The following SENP6 variants were observed in gnomAD, a reference collection of about 807,000 sequenced individuals.
The protein encoded by SENP6 is SUMO specific peptidase 6, also known as sentrin-specific protease 6.
A neutral mutation model predicts 134.5 loss-of-function variants in SENP6; 41 were observed. That is an observed-to-expected ratio of 0.30 (90% CI 0.24 to 0.40). The LOEUF is 0.40. Among genes scored for constraint, SENP6 ranks in the 10% least tolerant of loss-of-function variants. The pLI is 1.00. For synonymous variants in SENP6, 395 were observed against 429.8 expected (o/e 0.92, Z 1.00); for missense variants, 1,248 against 1,312.5 (o/e 0.95, Z 0.76).
chr6:75,669,334 C>T (rs184326541), intron 10 of SENP6, among the ~76,000 whole-genome samples: 263 of 151,972 alleles, frequency 1.7e-3, no homozygotes, highest in Non-Finnish European at 3.0e-3. Context: ...CCAGCCTGTG[C>T]GACAGAGCGA....
At chr6:75,647,567 GTT>G (rs1770552013) in intron 6 of SENP6, 162 bp from the exon 7 acceptor site, 2 of 380,920 alleles carry the variant, frequency 5.3e-6, no homozygotes, top group Admixed American at 8.8e-5. Flanking sequence ...TACAAATTGA[GTT>G]TCATTTATTG....
chr6:75,652,704 G>C (rs28564527), intron 7 of SENP6, among the ~76,000 whole-genome samples: 1 of 80,242 alleles, frequency 1.2e-5, no homozygotes, highest in Non-Finnish European at 2.7e-5. Context: ...AAAAAAAAAA[G>C]AAAAAGAAAA....
At chr6:75,620,156 G>T (rs1419625991) in intron 1 of SENP6, among the ~76,000 whole-genome samples, 1 of 151,394 alleles carries the variant, frequency 6.6e-6, no homozygotes, top group Admixed American at 6.6e-5. Context: ...TTATGGTTTT[G>T]ATTTGCATTT....
intron 11 of SENP6, 67 bp from the exon 12 acceptor site, chr6:75,675,368 G>A: frequency 1.1e-6 from 1 of 885,590 alleles, no homozygotes. Flanking sequence ...CTAAGTATTT[G>A]AATAAAAAAG....
intron 9 of SENP6, among the ~76,000 whole-genome samples, chr6:75,665,393 A>G (rs1263004215): frequency 6.6e-6 from 1 of 152,266 alleles, no homozygotes; most frequent in African/African-American, 2.4e-5. Flanking sequence ...TTTCAGGGAC[A>G]GAAATACTGG....
At chr6:75,630,509 C>T (rs1769031234) in intron 3 of SENP6, among the ~76,000 whole-genome samples, 1 of 152,168 alleles carries the variant, frequency 6.6e-6, no homozygotes, top group Non-Finnish European at 1.5e-5. Flanking sequence ...ATAAATTTTG[C>T]ATATCTCACA....
At chr6:75,662,939 C>T (rs1000314605) in intron 8 of SENP6, among the ~76,000 whole-genome samples, 1 of 152,094 alleles carries the variant, frequency 6.6e-6, no homozygotes, top group Non-Finnish European at 1.5e-5. Context: ...GACTGCTAGA[C>T]TAGATAGTCT....
chr6:75,643,259 A>G (rs1238499785), intron 6 of SENP6, among the ~76,000 whole-genome samples: 1 of 152,236 alleles, frequency 6.6e-6, no homozygotes, highest in Non-Finnish European at 1.5e-5. Flanking sequence ...TGTAGTCAGT[A>G]TATTTAACAA....
intron 21 of SENP6, among the ~76,000 whole-genome samples, chr6:75,712,803 T>C (rs1304524275): frequency 6.6e-6 from 1 of 152,146 alleles, no homozygotes; most frequent in Non-Finnish European, 1.5e-5. Context: ...CAATAAGTTT[T>C]AGTTAAAAAT....
At chr6:75,631,756 C>T (rs902399062) in intron 3 of SENP6, among the ~76,000 whole-genome samples, 18 of 152,198 alleles carry the variant, frequency 1.2e-4, no homozygotes, top group African/African-American at 3.6e-4. Flanking sequence ...AGAAAGCCTA[C>T]AATACTTACT....
At chr6:75,672,872 G>A (rs1047860939) in intron 11 of SENP6, among the ~76,000 whole-genome samples, 2 of 152,064 alleles carry the variant, frequency 1.3e-5, no homozygotes, top group Non-Finnish European at 2.9e-5. Context: ...CTGTTGCCCA[G>A]GCTGGAGTGC....
intron 16 of SENP6, among the ~76,000 whole-genome samples, chr6:75,685,950 T>G (rs1039645971): frequency 6.6e-6 from 1 of 152,104 alleles, no homozygotes; most frequent in African/African-American, 2.4e-5. Flanking sequence ...TGGGTATCCT[T>G]CTTCACTTTC....
At chr6:75,635,600 A>G (rs575783727) in intron 5 of SENP6, among the ~76,000 whole-genome samples, 4 of 152,126 alleles carry the variant, frequency 2.6e-5, no homozygotes, top group Non-Finnish European at 5.9e-5. Context: ...GTAACCTCAT[A>G]CTTTATGATA....
chr6:75,689,796 GC>G (rs1774109834), intron 16 of SENP6, among the ~76,000 whole-genome samples: 1 of 150,676 alleles, frequency 6.6e-6, no homozygotes, highest in East Asian at 1.9e-4. Flanking sequence ...AGGACACTAT[GC>G]CACCTCGGAT....
intron 10 of SENP6, among the ~76,000 whole-genome samples, chr6:75,668,157 T>C (rs1461183913): frequency 1.3e-5 from 2 of 152,218 alleles, no homozygotes; most frequent in African/African-American, 4.8e-5. Flanking sequence ...ACTTACTTAT[T>C]TAAAGGGGGG....
intron 7 of SENP6, among the ~76,000 whole-genome samples, chr6:75,655,832 A>G (rs143078316): frequency 2.4e-4 from 36 of 152,294 alleles, no homozygotes; most frequent in African/African-American, 7.9e-4. Flanking sequence ...TTCTATTTAT[A>G]TCGAACCTGT....
At chr6:75,686,722 GC>G (rs1323559424) in intron 16 of SENP6, among the ~76,000 whole-genome samples, 2 of 152,040 alleles carry the variant, frequency 1.3e-5, no homozygotes, top group East Asian at 3.9e-4. Flanking sequence ...TTGAATATTG[GC>G]CCCCACTCTC....
chr6:75,667,424 A>C (rs1033971873), intron 10 of SENP6, among the ~76,000 whole-genome samples: 4 of 152,198 alleles, frequency 2.6e-5, no homozygotes, highest in African/African-American at 7.2e-5. Flanking sequence ...GAGAACTCTT[A>C]AAAATTACAG....
At chr6:75,604,610 GC>G (rs1252442971) in intron 1 of SENP6, among the ~76,000 whole-genome samples, 1 of 149,502 alleles carries the variant, frequency 6.7e-6, no homozygotes, top group African/African-American at 2.4e-5. Flanking sequence ...GGGCAACTGA[GC>G]GAGATTCTGT....
Sources: allele counts gnomAD v4.1 joint callset (sites outside exome capture counted in the v4.1 genomes callset), GRCh38; gene constraint gnomAD v4.1.1; transcripts MANE v1.5; gene names NCBI Gene and HGNC (gene_info 2026-07-23, HGNC 2026-07-21).